The following RNF125 variants were observed in gnomAD, a reference collection of about 807,000 sequenced individuals.
RNF125 encodes the protein E3 ubiquitin-protein ligase RNF125.
A neutral mutation model predicts 26.0 loss-of-function variants in RNF125; 21 were observed. The observed-to-expected ratio is 0.81, with a 90% CI of 0.57 to 1.16. The LOEUF (loss-of-function observed/expected upper bound fraction) is 1.16, where lower values mean the gene tolerates loss of function less well. Ranked by LOEUF, RNF125 falls within the 50% of genes most tolerant of loss-of-function variation. RNF125 has a pLI of 0.00. For missense variants in RNF125, 270 were observed against 299.4 expected, an observed-to-expected ratio of 0.90 and a Z score of 0.72; for synonymous variants, 95 against 109.2, an observed-to-expected ratio of 0.87 and a Z score of 0.81.
chr18:32,020,083 G>A (rs2038972525), intron 1 of RNF125, among the ~76,000 whole-genome samples: 1 of 151,690 alleles, frequency 6.6e-6, no homozygotes, highest in South Asian at 2.1e-4. Flanking sequence ...CCAGGCTGGA[G>A]TGCGGTGGTG....
At chr18:32,028,630 G>T (rs1456295019) in intron 1 of RNF125, among the ~76,000 whole-genome samples, 1 of 149,426 alleles carries the variant, frequency 6.7e-6, no homozygotes, top group Admixed American at 6.7e-5. Context: ...TGTTATTCCG[G>T]CTGGGGTGCT....
chr18:32,019,675 T>C (rs1288267422), intron 1 of RNF125, among the ~76,000 whole-genome samples: 1 of 152,032 alleles, frequency 6.6e-6, no homozygotes, highest in Non-Finnish European at 1.5e-5. Flanking sequence ...CTTTCCACAG[T>C]TGTTAGAGTT....
intron 4 of RNF125, among the ~76,000 whole-genome samples, chr18:32,055,979 C>CAAAAAAAAAAA (rs67968645): frequency 1.3e-4 from 10 of 78,860 alleles, no homozygotes; most frequent in Non-Finnish European, 1.6e-4. Context: ...AACTCCATCT[C>CAAAAAAAAAAA]AAAAAAAAAA....
At chr18:32,034,646 C>T (rs2039134334) in intron 1 of RNF125, among the ~76,000 whole-genome samples, 1 of 152,136 alleles carries the variant, frequency 6.6e-6, no homozygotes, top group Admixed American at 6.6e-5. Context: ...GGCACAGTGG[C>T]TCATGCCTGT....
At chr18:32,074,801 C>T (rs1187089795), downstream of RNF125, among the ~76,000 whole-genome samples, 1 of 152,208 alleles carries the variant, frequency 6.6e-6, no homozygotes, top group Admixed American at 6.5e-5. Context: ...CCTTGGCCTC[C>T]CAAAGTGCTG....
chr18:32,027,948 G>T (rs1458514355), intron 1 of RNF125, among the ~76,000 whole-genome samples: 7 of 151,980 alleles, frequency 4.6e-5, no homozygotes, highest in African/African-American at 1.7e-4. Flanking sequence ...AACATAAGGG[G>T]CAAAGCTGTT....
chr18:32,057,333 C>CTT lies in RNF125; in HGVS notation c.505-8554_505-8553dup, dbSNP rs531930687. Among the ~76,000 whole-genome samples the CTT allele has an allele frequency of 4.8e-3, 680 of 140,608 alleles. 7 individuals carry two copies. Among genetic ancestry groups the CTT allele is most frequent in the East Asian group, 0.035 (173 of 4,888 alleles). The allele number at this position is 140,608 out of a possible 152,430, so 92.2% of individuals were successfully genotyped here. A position where few individuals can be genotyped will look rare whatever the true frequency, so the allele number is the denominator to read the frequency against. On this transcript the variant is annotated intron_variant, in intron 4 of 5. Coordinates refer to ENST00000217740, the MANE Select transcript of RNF125 (RefSeq NM_017831.4). ...CTCAGTAAAATAGAACCCCAAATGA[C>CTT]TTTTTTTTTTTTTTTTCTGAGACGG... is the stretch of plus-strand genomic sequence containing the variant.
chr18:32,027,482 G>T (rs1414969252), intron 1 of RNF125, among the ~76,000 whole-genome samples: 1 of 151,998 alleles, frequency 6.6e-6, no homozygotes, highest in Non-Finnish European at 1.5e-5. Flanking sequence ...ACCAATACAA[G>T]AACTAATTTA....
At chr18:32,048,939 C>G (rs1254480924) in intron 4 of RNF125, among the ~76,000 whole-genome samples, 1 of 152,196 alleles carries the variant, frequency 6.6e-6, no homozygotes, top group African/African-American at 2.4e-5. Flanking sequence ...ATTTTCTTGT[C>G]TCCTAGCAAC....
At position 32,035,031 on chromosome 18, in the gene RNF125, T is replaced by C. The variant is rs113793698; in HGVS notation, c.165-2085T>C. Among the ~76,000 whole-genome samples, 427 of 152,308 alleles carry C rather than the reference T, an allele frequency of 2.8e-3. 2 individuals carry two copies. The highest frequency in any genetic ancestry group is 9.9e-3 in the African/African-American group (411 of 41,554). ...CTGGTTGCTACTGAATCTGTCATTA[T>C]GTCACTGTGTGCAGTGTTCAACTTC... On this transcript the variant is annotated intron_variant, in intron 1 of 5. Coordinates refer to ENST00000217740, the MANE Select transcript of RNF125 (RefSeq NM_017831.4).
At chr18:32,085,416 A>AGAGAGAGAGAGAGAGAG in the RNF125 span, among the ~76,000 whole-genome samples, 20 of 125,160 alleles carry the variant, frequency 1.6e-4, no homozygotes, top group African/African-American at 5.3e-4. Flanking sequence ...AGAGAGAGAG[A>AGAGAGAGAGAGAGAGAG]AAGCTGGGTG....
At chr18:32,036,557 A>AAAGGAAGG (rs149149805) in intron 1 of RNF125, among the ~76,000 whole-genome samples, 2 of 134,916 alleles carry the variant, frequency 1.5e-5, no homozygotes, top group Non-Finnish European at 3.1e-5. Context: ...TCTTGACCAG[A>AAAGGAAGG]AAGGAAGGAA....
At chr18:32,037,364 C>CTTT (rs796828237) in intron 2 of RNF125, 95 bp downstream of exon 2, 6,331 of 132,496 alleles carry the variant, frequency 0.048, 570 homozygotes, top group Non-Finnish European at 0.059. Context: ...TGGTACGCAC[C>CTTT]TTTTTTTTTT....
the RNF125 span, among the ~76,000 whole-genome samples, chr18:32,087,863 G>A: frequency 6.6e-6 from 1 of 152,236 alleles, no homozygotes; most frequent in South Asian, 2.1e-4. Context: ...TAATTTTCCT[G>A]CACATTATGT....
downstream of RNF125, among the ~76,000 whole-genome samples, chr18:32,073,934 G>GA (rs1178041532): frequency 2.6e-5 from 4 of 152,154 alleles, no homozygotes; most frequent in Admixed American, 6.6e-5. Context: ...ATTATTACTA[G>GA]AAAATCGTGT....
At position 32,024,205 on chromosome 18, in the gene RNF125, TTTTC is replaced by T. The variant is rs1158455706; in HGVS notation, c.164+5182_164+5185del. ...CTTCATGCCATTCTTTTTTTTTTTT[TTTTC>T]TTTTTTTTTTTAAGATGGAGTCTCA... On this transcript the variant is annotated intron_variant, in intron 1 of 5. Coordinates refer to ENST00000217740, the MANE Select transcript of RNF125 (RefSeq NM_017831.4). Among the ~76,000 whole-genome samples the T allele has an allele frequency of 2.2e-3, 214 of 96,812 alleles. 21 individuals carry two copies. The highest frequency in any genetic ancestry group is 7.8e-3 in the African/African-American group (167 of 21,524). The allele number at this position is 96,812 out of a possible 152,430, so 63.5% of individuals were successfully genotyped here.
chr18:32,087,097 G>A, the RNF125 span, among the ~76,000 whole-genome samples: 1 of 152,010 alleles, frequency 6.6e-6, no homozygotes, highest in Non-Finnish European at 1.5e-5. Context: ...AGGCTTGGAA[G>A]CTCTGCACCT....
chr18:32,035,875 G>A (rs759628344), intron 1 of RNF125, among the ~76,000 whole-genome samples: 8 of 152,146 alleles, frequency 5.3e-5, no homozygotes, highest in South Asian at 2.1e-4. Flanking sequence ...TCTGGAGGCC[G>A]GGCACAGTGG....
At chr18:32,042,436 T>A (rs1432733037) in intron 3 of RNF125, among the ~76,000 whole-genome samples, 163 bp downstream of exon 3, 1 of 152,232 alleles carries the variant, frequency 6.6e-6, no homozygotes, top group Non-Finnish European at 1.5e-5. Flanking sequence ...TAGCAATCAT[T>A]GTTAAGGAAT....
Sources: gnomAD v4.1 joint callset for allele counts (sites outside exome capture counted in the v4.1 genomes callset) on GRCh38, gnomAD v4.1.1 for gene constraint, MANE v1.5 for transcripts, NCBI Gene and HGNC (gene_info 2026-07-23, HGNC 2026-07-21) for gene names.